Variants in ATP8A2 observed in about 807,000 individuals in gnomAD.
The protein encoded by ATP8A2 is ATPase phospholipid transporting 8A2.
Under a neutral mutation model 165.6 loss-of-function variants are expected in ATP8A2, and 100 were observed. The ratio of observed to expected loss-of-function variants is 0.60; its 90% CI spans 0.51 to 0.71. The LOEUF is 0.71. ATP8A2 is among the 30% of genes least tolerant of loss of function. The pLI is 0.00. For missense variants in ATP8A2, 1,227 were observed against 1,479.5 expected (o/e 0.83, Z 2.80); for synonymous variants, 543 against 548.8 (o/e 0.99, Z 0.15).
intron 35 of ATP8A2, among the ~76,000 whole-genome samples, chr13:25,977,610 G>A (rs904911470): frequency 4.6e-5 from 7 of 152,308 alleles, no homozygotes; most frequent in Non-Finnish European, 1.0e-4. Context: ...GTTATTTTAG[G>A]AATGTTGAAT....
At chr13:25,465,662 G>GTTTTCT (rs2035615000) in intron 1 of ATP8A2, among the ~76,000 whole-genome samples, 1 of 81,984 alleles carries the variant, frequency 1.2e-5, no homozygotes, top group African/African-American at 3.7e-5. Context: ...ATCTTGCAGA[G>GTTTTCT]TTTTCTTTCT....
chr13:25,725,042 T>C (rs1038853470), intron 25 of ATP8A2, among the ~76,000 whole-genome samples: 2 of 152,180 alleles, frequency 1.3e-5, no homozygotes, highest in Non-Finnish European at 2.9e-5. Context: ...CCAGAGTCTG[T>C]CATCTATCAG....
At chr13:25,919,611 C>T (rs888131772) in intron 33 of ATP8A2, among the ~76,000 whole-genome samples, 1 of 152,154 alleles carries the variant, frequency 6.6e-6, no homozygotes, top group African/African-American at 2.4e-5. Flanking sequence ...CTCCCTCAAC[C>T]CACTTCCCTA....
intron 1 of ATP8A2, among the ~76,000 whole-genome samples, chr13:25,454,632 C>T (rs2035314415): frequency 6.6e-6 from 1 of 152,014 alleles, no homozygotes; most frequent in Non-Finnish European, 1.5e-5. Flanking sequence ...GCCTTCTTAA[C>T]AATGGCTTTG....
At chr13:25,590,414 G>T (rs2040038984) in intron 24 of ATP8A2, among the ~76,000 whole-genome samples, 1 of 152,162 alleles carries the variant, frequency 6.6e-6, no homozygotes, top group African/African-American at 2.4e-5. Flanking sequence ...GACAGAGTGA[G>T]ACTCTGTCTT....
chr13:25,869,824 T>C (rs1212641373), intron 33 of ATP8A2, among the ~76,000 whole-genome samples: 2 of 152,138 alleles, frequency 1.3e-5, no homozygotes, highest in East Asian at 3.9e-4. Context: ...GGGGTGAATG[T>C]TTACAGCTCC....
At chr13:25,485,326 T>G (rs577702198) in intron 2 of ATP8A2, among the ~76,000 whole-genome samples, 3 of 152,352 alleles carry the variant, frequency 2.0e-5, no homozygotes, top group African/African-American at 7.2e-5. Context: ...CATTATTCTC[T>G]GTACATGGGT....
At chr13:25,914,688 T>C (rs1050640294) in intron 33 of ATP8A2, among the ~76,000 whole-genome samples, 89 of 152,212 alleles carry the variant, frequency 5.8e-4, no homozygotes, top group African/African-American at 1.9e-3. Context: ...TGCTTTACCT[T>C]ATGGTACACC....
intron 30 of ATP8A2, among the ~76,000 whole-genome samples, chr13:25,845,637 A>G (rs1951843993): frequency 6.6e-6 from 1 of 152,210 alleles, no homozygotes; most frequent in Non-Finnish European, 1.5e-5. Flanking sequence ...TGTTTTGTAT[A>G]CTGAAATAGT....
chr13:25,796,873 T>C (rs1286534197), intron 27 of ATP8A2, among the ~76,000 whole-genome samples: 1 of 152,242 alleles, frequency 6.6e-6, no homozygotes, highest in African/African-American at 2.4e-5. Context: ...AATCTGTGTT[T>C]GGCTATTTAA....
At chr13:25,626,925 C>T (rs1481805919) in intron 24 of ATP8A2, among the ~76,000 whole-genome samples, 1 of 152,090 alleles carries the variant, frequency 6.6e-6, no homozygotes, top group African/African-American at 2.4e-5. Context: ...ACCAGCAGAT[C>T]TCGTGTTACT....
intron 30 of ATP8A2, among the ~76,000 whole-genome samples, chr13:25,843,708 C>T (rs7321824): frequency 0.01 from 1,587 of 152,136 alleles, 30 homozygotes; most frequent in African/African-American, 0.034. Context: ...TATAGTCAGC[C>T]GAAAGAACTA....
chr13:25,847,131 G>A (rs951701428), intron 30 of ATP8A2, among the ~76,000 whole-genome samples: 4 of 152,226 alleles, frequency 2.6e-5, no homozygotes, highest in African/African-American at 7.2e-5. Flanking sequence ...AGGACAGAGT[G>A]TGGTGGAAGT....
intron 35 of ATP8A2, among the ~76,000 whole-genome samples, chr13:25,992,218 CTT>C (rs560341350): frequency 4.7e-4 from 57 of 120,452 alleles, no homozygotes; most frequent in East Asian, 4.9e-4. Flanking sequence ...CAGTGCTGTC[CTT>C]TTTTTTTTTT....
intron 15 of ATP8A2, among the ~76,000 whole-genome samples, chr13:25,561,124 A>G (rs912038775): frequency 2.2e-4 from 34 of 152,144 alleles, no homozygotes; most frequent in Non-Finnish European, 3.7e-4. Context: ...TGACCTCGTG[A>G]TCTGCCTGTC....
intron 1 of ATP8A2, among the ~76,000 whole-genome samples, chr13:25,405,359 A>G (rs950438515): frequency 1.3e-5 from 2 of 152,228 alleles, no homozygotes; most frequent in Non-Finnish European, 2.9e-5. Flanking sequence ...ATGATGAGTC[A>G]TGGATGCCCT....
intron 33 of ATP8A2, among the ~76,000 whole-genome samples, chr13:25,879,342 C>T (rs1952907302): frequency 6.6e-6 from 1 of 152,144 alleles, no homozygotes; most frequent in African/African-American, 2.4e-5. Flanking sequence ...GGGCTGTAAC[C>T]TAAACATGCT....
intron 2 of ATP8A2, among the ~76,000 whole-genome samples, chr13:25,516,472 G>A (rs1458211073): frequency 6.6e-6 from 1 of 152,146 alleles, no homozygotes; most frequent in East Asian, 1.9e-4. Context: ...ACTGAATTCT[G>A]AATGAAAGGC....
At chr13:25,709,056 A>G (rs1270641192) in intron 25 of ATP8A2, among the ~76,000 whole-genome samples, 1 of 152,156 alleles carries the variant, frequency 6.6e-6, no homozygotes, top group Non-Finnish European at 1.5e-5. Context: ...TGAGAGTCCC[A>G]GGGCTGAATT....
Sources: gnomAD v4.1 joint callset for allele counts (sites outside exome capture counted in the v4.1 genomes callset) on GRCh38, gnomAD v4.1.1 for gene constraint, MANE v1.5 for transcripts, NCBI Gene and HGNC (gene_info 2026-07-23, HGNC 2026-07-21) for gene names.